Variants in WDR62 observed in about 807,000 individuals in gnomAD.
WDR62 encodes the protein WD repeat-containing protein 62.
A neutral mutation model predicts 160.6 loss-of-function variants in WDR62; 112 were observed. The ratio of observed to expected loss-of-function variants is 0.70; its 90% CI spans 0.60 to 0.82. The LOEUF is 0.82. WDR62 is among the 40% of genes least tolerant of loss of function. WDR62 has a pLI of 0.00. For missense variants in WDR62, 1,819 were observed against 1,983.8 expected (o/e 0.92, Z 1.58); for synonymous variants, 792 against 815.1 (o/e 0.97, Z 0.48).
chr19:36,063,077 TAGGATTAC>T (rs1236513381), intron 3 of WDR62, among the ~76,000 whole-genome samples: 1 of 151,994 alleles, frequency 6.6e-6, no homozygotes, highest in African/African-American at 2.4e-5. Context: ...CCCGAGTAGC[TAGGATTAC>T]AGGCATATGC....
At position 36,086,760 on chromosome 19, in the gene WDR62, G is replaced by A. The variant is rs267605443; in HGVS notation, c.1716G>A (p.Leu572=). 2 of 1,608,578 alleles carry A rather than the reference G, an allele frequency of 1.2e-6. No homozygotes were observed. The highest frequency in any genetic ancestry group is 1.7e-5 in the Admixed American group (1 of 59,526). The part of the protein sequence containing the change: ...HVLNVEKNYN[L]EQTLDDHSSS... Reference sequence around the variant, plus strand: ...TGAACGTGGAGAAGAACTACAACCTGGAGCAGACGCTGGATGACCACTCCT... The same window carrying A: ...TGAACGTGGAGAAGAACTACAACCTAGAGCAGACGCTGGATGACCACTCCT... The change falls in exon 13 of 32, where the codon CTG becomes CTA. Residue 572 remains leucine (L), a synonymous_variant. Transcript: ENST00000401500.
At chr19:36,104,158 A>AT (rs1255703957) in intron 30 of WDR62, among the ~76,000 whole-genome samples, 177 bp downstream of exon 30, 15 of 152,374 alleles carry the variant, frequency 9.8e-5, no homozygotes, top group African/African-American at 3.6e-4. Flanking sequence ...ACCCTGGGAC[A>AT]TGGGACATGG....
At position 36,104,500 on chromosome 19, in the gene WDR62, C is replaced by T; in HGVS notation, c.4154-18C>T. The T allele has an allele frequency of 6.2e-7, 1 of 1,613,138 alleles. No individual in the cohort carries two copies. The highest frequency in any genetic ancestry group is 1.1e-5 in the South Asian group (1 of 91,066). The stretch of plus-strand genomic sequence containing the variant: ...TGGAATGCAGCTCATCTTGCTCATT[C>T]CCTTCTCTCTACCCCAGGTGCACTT... On this transcript the variant is annotated intron_variant, in intron 30 of 31. Coordinates refer to ENST00000401500, the MANE Select transcript of WDR62 (RefSeq NM_001083961.2).
chr19:36,055,277 G>A, intron 1 of WDR62, 129 bp downstream of exon 1: 1 of 972,154 alleles, frequency 1.0e-6, no homozygotes, highest in Non-Finnish European at 1.5e-6. Flanking sequence ...GCCATGCCTC[G>A]TCCCCTAACC....
intron 2 of WDR62, 54 bp from the exon 3 acceptor site, chr19:36,059,914 C>G (rs1970558882): frequency 2.4e-5 from 38 of 1,591,864 alleles, no homozygotes; most frequent in African/African-American, 5.4e-5. Flanking sequence ...ATAGAATCAT[C>G]CCAGGACCCC....
Position 36,059,669 on chromosome 19 carries a change from A to G in WDR62, c.270-299A>G, listed in dbSNP as rs138309630. Reference sequence around the variant, plus strand: ...AGGCTGGTCTAAAACTCCTGAGCTCAAGTGATCCCTCCTGCCCCATACTCC... The same window carrying G: ...AGGCTGGTCTAAAACTCCTGAGCTCGAGTGATCCCTCCTGCCCCATACTCC... On this transcript the variant is annotated intron_variant, in intron 2 of 31. Coordinates refer to ENST00000401500, the MANE Select transcript of WDR62 (RefSeq NM_001083961.2). Among the ~76,000 whole-genome samples, 136 of 152,248 alleles carry G rather than the reference A, an allele frequency of 8.9e-4. 2 individuals are homozygous for G. In the East Asian group the frequency reaches 0.022, roughly 25 times the overall value.
At chr19:36,098,992 C>T (rs988708851) in intron 21 of WDR62, among the ~76,000 whole-genome samples, 5 of 152,028 alleles carry the variant, frequency 3.3e-5, no homozygotes, top group East Asian at 1.9e-4. Context: ...GAAGCCGAGG[C>T]GGGCGGATCA....
rs140491452 is a variant in WDR62 at position 36,094,883 on chromosome 19, T to C, written c.2467+719T>C. The stretch of plus-strand genomic sequence containing the variant: ...CCCGTTCCTACAAAAAGAAAAAAAT[T>C]AGCCAGGCCTGGTGGTGCACACCTA... On this transcript the variant is annotated intron_variant, in intron 20 of 31. Transcript: ENST00000401500. Among the ~76,000 whole-genome samples the C allele has an allele frequency of 9.2e-5, 14 of 152,166 alleles. No individual in the cohort carries two copies. In the East Asian group the frequency reaches 2.5e-3, roughly 27 times the overall value.
At position 36,102,847 on chromosome 19, in the gene WDR62, T is replaced by C. The variant is rs1568370226; in HGVS notation, c.3331T>C (p.Ser1111Pro). 1.9e-6 allele frequency: 3 copies of C among 1,614,074 alleles called. No homozygotes were observed. Among genetic ancestry groups the C allele is most frequent in the Non-Finnish European group, 2.5e-6 (3 of 1,180,036 alleles). Residue 1111 changes from serine to proline, a missense_variant, in exon 27 of 32, where the codon TCC (serine) becomes CCC (proline). Physicochemically the swap from Ser to Pro is moderately conservative, Grantham distance 74 (BLOSUM62 -1). Coordinates refer to ENST00000401500, the MANE Select transcript of WDR62 (RefSeq NM_001083961.2). Reference protein sequence around the residue: ...TQFLSSLQKASRFTHTFPPRA... With the variant: ...TQFLSSLQKAPRFTHTFPPRA... ...GTTCCTCTCAAGCCTCCAGAAGGCA[T>C]CCAGGTAGAAGCTGGCCAAGCACTG...
intron 12 of WDR62, among the ~76,000 whole-genome samples, chr19:36,085,451 C>T (rs999059210): frequency 2.6e-5 from 2 of 75,932 alleles, no homozygotes; most frequent in East Asian, 6.9e-4. Flanking sequence ...ACAAGAGTCT[C>T]ACTCTGTCGC....
intron 15 of WDR62, 29 bp downstream of exon 15, chr19:36,089,335 G>A: frequency 1.2e-6 from 2 of 1,614,158 alleles, no homozygotes; most frequent in Non-Finnish European, 1.7e-6. Context: ...CCCTTAGCTG[G>A]CCTGGTCTGC....
intron 10 of WDR62, among the ~76,000 whole-genome samples, chr19:36,082,444 T>C (rs1039736772): frequency 1.3e-5 from 2 of 151,990 alleles, no homozygotes; most frequent in African/African-American, 2.4e-5. Context: ...GCTGGGTGAA[T>C]TGGAAAACCT....
chr19:36,104,130 T>C (rs1973585930), intron 30 of WDR62, 149 bp downstream of exon 30: 1 of 1,104,552 alleles, frequency 9.1e-7, no homozygotes, highest in East Asian at 2.6e-5. Flanking sequence ...GAGCATTACA[T>C]GTTGGGCTTT....
intron 6 of WDR62, among the ~76,000 whole-genome samples, 175 bp from the exon 7 acceptor site, chr19:36,067,653 C>T (rs1169851065): frequency 6.6e-6 from 1 of 152,244 alleles, no homozygotes; most frequent in African/African-American, 2.4e-5. Flanking sequence ...AGCTCTCATT[C>T]TTGGACTGCT....
In WDR62 at chr19:36,102,169, C is replaced by A; in HGVS notation, c.3220+18C>A. 1.2e-6 allele frequency: 2 copies of A among 1,613,674 alleles called. No homozygotes were observed. Among genetic ancestry groups the A allele is most frequent in the Non-Finnish European group, 1.7e-6 (2 of 1,180,042 alleles). ...CTGCAGAGGTAGGGCCCTGCCTCAC[C>A]CACACCTGCCGAGGCCGTCTGTGCA... On this transcript the variant is annotated intron_variant, in intron 26 of 31. Coordinates refer to ENST00000401500, the MANE Select transcript of WDR62 (RefSeq NM_001083961.2).
chr19:36,058,746 G>C, intron 1 of WDR62, 34 bp from the exon 2 acceptor site: 1 of 1,585,082 alleles, frequency 6.3e-7, no homozygotes, highest in Non-Finnish European at 8.7e-7. Context: ...GCTGGCTAGG[G>C]TGGGTGCCTC....
intron 7 of WDR62, 44 bp downstream of exon 7, chr19:36,068,054 G>T (rs371922352): frequency 2.5e-6 from 4 of 1,586,364 alleles, no homozygotes; most frequent in African/African-American, 2.7e-5. Flanking sequence ...ACTCTTTCTC[G>T]TGATATGTGT....
intron 18 of WDR62, 89 bp from the exon 19 acceptor site, chr19:36,092,600 G>T (rs1307252869): frequency 5.7e-6 from 9 of 1,567,538 alleles, no homozygotes; most frequent in African/African-American, 2.7e-5. Flanking sequence ...GGTCCAGGCT[G>T]TGGTGTGGGT....
At chr19:36,077,276 C>CT (rs71167590) in intron 9 of WDR62, among the ~76,000 whole-genome samples, 1,664 of 87,102 alleles carry the variant, frequency 0.019, 46 homozygotes, top group South Asian at 0.048. Flanking sequence ...TCCTTCCTTC[C>CT]TTTTTTTTTT....
Sources: allele counts gnomAD v4.1 joint callset (sites outside exome capture counted in the v4.1 genomes callset), GRCh38; gene constraint gnomAD v4.1.1; transcripts MANE v1.5; gene names NCBI Gene and HGNC (gene_info 2026-07-23, HGNC 2026-07-21).